HS6ST3: variants seen among roughly 807,000 people sequenced by gnomAD.
The protein encoded by HS6ST3 is heparan-sulfate 6-O-sulfotransferase 3.
HS6ST3 carries 12 observed loss-of-function variants against 36.7 expected under a neutral mutation model. The ratio of observed to expected loss-of-function variants is 0.33; its 90% CI spans 0.21 to 0.53. The LOEUF (loss-of-function observed/expected upper bound fraction) is 0.53, where lower values mean the gene tolerates loss of function less well. Among genes scored for constraint, HS6ST3 ranks in the 20% least tolerant of loss-of-function variants. The probability of loss-of-function intolerance (pLI) is 0.95; values close to 1 mark genes in which losing one functional copy is unlikely to be tolerated. For missense variants in HS6ST3, 584 were observed against 640.9 expected (o/e 0.91, Z 0.96); for synonymous variants, 240 against 257.5 (o/e 0.93, Z 0.65).
At chr13:96,619,093 G>A in intron 1 of HS6ST3, among the ~76,000 whole-genome samples, 1 of 151,560 alleles carries the variant, frequency 6.6e-6, no homozygotes, top group East Asian at 1.9e-4. Flanking sequence ...AAGTCAAATT[G>A]TATTCTTTGC....
chr13:96,265,563 T>A (rs2054688158), intron 1 of HS6ST3, among the ~76,000 whole-genome samples: 1 of 152,140 alleles, frequency 6.6e-6, no homozygotes, highest in Non-Finnish European at 1.5e-5. Flanking sequence ...TAAAAATTCC[T>A]ATTTTGGAAT....
intron 1 of HS6ST3, among the ~76,000 whole-genome samples, chr13:96,716,231 C>T (rs1875691592): frequency 6.6e-6 from 1 of 151,842 alleles, no homozygotes; most frequent in South Asian, 2.1e-4. Flanking sequence ...CATTGAGGGG[C>T]TAAAATGATT....
At chr13:96,559,723 CT>C (rs368220722) in intron 1 of HS6ST3, among the ~76,000 whole-genome samples, 4,382 of 146,498 alleles carry the variant, frequency 0.03, 106 homozygotes, top group African/African-American at 0.068. Flanking sequence ...GCAGATTATT[CT>C]TTTTTTTTTT....
chr13:96,406,597 A>G (rs2055479809), intron 1 of HS6ST3, among the ~76,000 whole-genome samples: 1 of 152,172 alleles, frequency 6.6e-6, no homozygotes, highest in Non-Finnish European at 1.5e-5. Context: ...ATTGCGCTAT[A>G]TTTATTCTCA....
intron 1 of HS6ST3, among the ~76,000 whole-genome samples, chr13:96,491,041 T>A (rs1232559028): frequency 1.3e-5 from 2 of 152,186 alleles, no homozygotes; most frequent in African/African-American, 4.8e-5. Context: ...ACTTCCTCCA[T>A]AATCAGTCTG....
At chr13:96,640,251 A>T (rs187881062) in intron 1 of HS6ST3, among the ~76,000 whole-genome samples, 12 of 151,984 alleles carry the variant, frequency 7.9e-5, no homozygotes, top group Admixed American at 5.3e-4. Flanking sequence ...TTTTTTAATG[A>T]TAGCCATTCT....
intron 1 of HS6ST3, among the ~76,000 whole-genome samples, chr13:96,277,818 A>G (rs1157848950): frequency 6.6e-6 from 1 of 152,204 alleles, no homozygotes; most frequent in Admixed American, 6.6e-5. Context: ...TCTATTTTTA[A>G]TACTACAGTA....
intron 1 of HS6ST3, among the ~76,000 whole-genome samples, chr13:96,743,029 C>T (rs192959534): frequency 1.1e-3 from 160 of 152,104 alleles, no homozygotes; most frequent in Non-Finnish European, 1.8e-3. Flanking sequence ...TCCTGTCCTC[C>T]TAGGATAAAA....
intron 1 of HS6ST3, among the ~76,000 whole-genome samples, chr13:96,548,515 A>G (rs557503297): frequency 6.6e-6 from 1 of 152,304 alleles, no homozygotes; most frequent in Admixed American, 6.5e-5. Context: ...ATTAGTCAAG[A>G]TTCTCCAGAG....
chr13:96,380,193 G>T (rs1462837385), intron 1 of HS6ST3, among the ~76,000 whole-genome samples: 1 of 151,546 alleles, frequency 6.6e-6, no homozygotes, highest in South Asian at 2.1e-4. Flanking sequence ...CCTTGTGCTT[G>T]CATGTGCTCA....
intron 1 of HS6ST3, among the ~76,000 whole-genome samples, chr13:96,528,038 C>T (rs909545536): frequency 3.9e-5 from 6 of 152,194 alleles, no homozygotes; most frequent in Non-Finnish European, 8.8e-5. Flanking sequence ...TCACTTAAGA[C>T]TGACCTTGGT....
chr13:96,310,167 A>G (rs573247385), intron 1 of HS6ST3, among the ~76,000 whole-genome samples: 2 of 152,184 alleles, frequency 1.3e-5, no homozygotes, highest in East Asian at 3.9e-4. Flanking sequence ...AGTTCTTTGC[A>G]TTTTTGTCAT....
At chr13:96,634,087 G>A (rs2056540834) in intron 1 of HS6ST3, among the ~76,000 whole-genome samples, 1 of 152,168 alleles carries the variant, frequency 6.6e-6, no homozygotes, top group Non-Finnish European at 1.5e-5. Flanking sequence ...GCCTGGAAGA[G>A]GGCCCTCACC....
At chr13:96,780,921 A>G (rs1032170466) in intron 1 of HS6ST3, among the ~76,000 whole-genome samples, 10 of 151,798 alleles carry the variant, frequency 6.6e-5, no homozygotes, top group African/African-American at 1.9e-4. Flanking sequence ...AGCAACACCA[A>G]TGACAGCTGC....
chr13:96,792,492 A>G (rs1877815267), intron 1 of HS6ST3, among the ~76,000 whole-genome samples: 1 of 151,796 alleles, frequency 6.6e-6, no homozygotes, highest in South Asian at 2.1e-4. Flanking sequence ...CTCCCTGGCC[A>G]TCTATTGCTT....
At chr13:96,311,262 C>A (rs1257732665) in intron 1 of HS6ST3, among the ~76,000 whole-genome samples, 1 of 152,148 alleles carries the variant, frequency 6.6e-6, no homozygotes, top group Non-Finnish European at 1.5e-5. Context: ...TAGTGAAGAA[C>A]CTTGGTAATG....
At chr13:96,469,052 A>G (rs1210470732) in intron 1 of HS6ST3, among the ~76,000 whole-genome samples, 1 of 152,120 alleles carries the variant, frequency 6.6e-6, no homozygotes, top group Admixed American at 6.6e-5. Context: ...GATGAGGGCC[A>G]ATGTGGTAAG....
intron 1 of HS6ST3, among the ~76,000 whole-genome samples, chr13:96,408,660 A>G (rs1370456648): frequency 6.6e-6 from 1 of 152,152 alleles, no homozygotes; most frequent in African/African-American, 2.4e-5. Context: ...ATGGTGGCTC[A>G]TGCCTGTAAT....
intron 1 of HS6ST3, among the ~76,000 whole-genome samples, chr13:96,099,751 C>T (rs2053808934): frequency 6.6e-6 from 1 of 152,158 alleles, no homozygotes; most frequent in African/African-American, 2.4e-5. Context: ...CTAATCACCT[C>T]GATGTCCTCG....
Sources: gnomAD v4.1 joint callset for allele counts (sites outside exome capture counted in the v4.1 genomes callset) on GRCh38, gnomAD v4.1.1 for gene constraint, MANE v1.5 for transcripts, NCBI Gene and HGNC (gene_info 2026-07-23, HGNC 2026-07-21) for gene names.